THRB: variants seen among roughly 807,000 people sequenced by gnomAD.
THRB encodes the protein nuclear receptor subfamily 1 group A member 2.
THRB carries 12 observed loss-of-function variants against 47.8 expected under a neutral mutation model. That is an observed-to-expected ratio of 0.25 (90% CI 0.16 to 0.41). The LOEUF (loss-of-function observed/expected upper bound fraction) is 0.41. Among genes scored for constraint, THRB ranks in the 10% least tolerant of loss-of-function variants. The pLI is 1.00. For missense variants in THRB, 348 were observed against 589.2 expected (o/e 0.59, Z 4.24); for synonymous variants, 218 against 212.2 (o/e 1.03, Z -0.24).
At chr3:24,476,569 G>C (rs1216002178) in intron 1 of THRB, among the ~76,000 whole-genome samples, 2 of 152,202 alleles carry the variant, frequency 1.3e-5, no homozygotes, top group Non-Finnish European at 2.9e-5. Context: ...TTGCAAGTTT[G>C]TATCATTTAC....
At position 24,207,712 on chromosome 3, in the gene THRB, A is replaced by T. The variant is rs997798694; in HGVS notation, c.23-17378T>A. Among the ~76,000 whole-genome samples the T allele has an allele frequency of 8.7e-4, 132 of 152,346 alleles. 1 individual carries two copies. Among genetic ancestry groups the T allele is most frequent in the African/African-American group, 2.6e-3 (110 of 41,576 alleles). On this transcript the variant is annotated intron_variant, in intron 4 of 10. Coordinates refer to ENST00000646209, the MANE Select transcript of THRB (RefSeq NM_001354712.2). ...CAGAAACAGCTGCACTCTGCCAGCT[A>T]TCTATGACAAACCCACAGCGAATAT...
At chr3:24,468,741 T>C (rs2074338326) in intron 1 of THRB, among the ~76,000 whole-genome samples, 1 of 152,156 alleles carries the variant, frequency 6.6e-6, no homozygotes, top group African/African-American at 2.4e-5. Flanking sequence ...TGGATCACCA[T>C]AACAGATACA....
rs561352313 is a variant in THRB, at chr3:24,165,032, T to C, written c.284-12542A>G. The C allele has an allele frequency of 4.0e-6, 3 of 743,534 alleles. No homozygotes were observed. In the East Asian group the frequency reaches 7.3e-5, roughly 18 times the overall value. The allele number at this position is 743,534 out of a possible 1,614,324, so 46.1% of individuals were successfully genotyped here. ...TTAAGCAAAATGGTCCCTACCTTTT[T>C]TTTGAGAATACGATGGCGACTGCAC... On this transcript the variant is annotated intron_variant, in intron 5 of 10. Coordinates refer to ENST00000646209, the MANE Select transcript of THRB (RefSeq NM_001354712.2).
chr3:24,174,342 C>A (rs1559511930), intron 5 of THRB, among the ~76,000 whole-genome samples: 1 of 152,158 alleles, frequency 6.6e-6, no homozygotes, highest in East Asian at 1.9e-4. Context: ...AGCCTCTAGT[C>A]ACAAAGGGCC....
rs576869889 is a variant in THRB, at chr3:24,374,183, G to C, written c.-260-36812C>G. 5.3e-5 allele frequency among the ~76,000 whole-genome samples: 8 copies of C among 152,202 alleles called. No individual in the cohort carries two copies. The South Asian group carries it at 1.5e-3, about 28-fold the overall frequency. On this transcript the variant is annotated intron_variant, in intron 1 of 10. Transcript: ENST00000646209. ...AAAAGAGACGTACAGGGAATGTACTGAGCCAAGTGGTGTAGATTTAGTTTG... is the reference window on the plus strand; with the variant it reads ...AAAAGAGACGTACAGGGAATGTACTCAGCCAAGTGGTGTAGATTTAGTTTG...
intron 2 of THRB, among the ~76,000 whole-genome samples, chr3:24,329,446 T>A (rs2061781627): frequency 6.6e-6 from 1 of 152,226 alleles, no homozygotes; most frequent in African/African-American, 2.4e-5. Context: ...CATTTTTGGG[T>A]TTCATTGTTC....
At chr3:24,158,279 G>A (rs2038176639) in intron 5 of THRB, among the ~76,000 whole-genome samples, 1 of 152,158 alleles carries the variant, frequency 6.6e-6, no homozygotes, top group Non-Finnish European at 1.5e-5. Flanking sequence ...TCCACAGTCA[G>A]AACCTCTCCT....
intron 1 of THRB, among the ~76,000 whole-genome samples, chr3:24,442,554 G>C (rs991117462): frequency 1.8e-4 from 28 of 152,258 alleles, no homozygotes; most frequent in African/African-American, 6.5e-4. Context: ...GCCAGGCGCA[G>C]TGGCTCACGC....
chr3:24,345,913 T>C (rs1369567129), intron 1 of THRB, among the ~76,000 whole-genome samples: 2 of 151,960 alleles, frequency 1.3e-5, no homozygotes, highest in African/African-American at 4.8e-5. Context: ...CAATTTATTT[T>C]ATGTCAATGA....
At chr3:24,431,261 T>TCTACACACACACACACACACAC (rs767685100) in intron 1 of THRB, among the ~76,000 whole-genome samples, 3 of 135,708 alleles carry the variant, frequency 2.2e-5, no homozygotes, top group African/African-American at 8.1e-5. Context: ...TCTCTCTCTC[T>TCTACACACACACACACACACAC]ACACACACAC....
intron 9 of THRB, among the ~76,000 whole-genome samples, chr3:24,131,276 A>G (rs573601568): frequency 1.3e-4 from 20 of 152,250 alleles, no homozygotes; most frequent in Non-Finnish European, 2.4e-4. Flanking sequence ...TGGTAGTGTT[A>G]CCATAAATCA....
chr3:24,237,605 A>T (rs1199209025), intron 3 of THRB, among the ~76,000 whole-genome samples: 1 of 152,088 alleles, frequency 6.6e-6, no homozygotes, highest in African/African-American at 2.4e-5. Context: ...TGTTACAAAG[A>T]GCATTGGCCT....
chr3:24,442,748 T>C (rs1384855739), intron 1 of THRB, among the ~76,000 whole-genome samples: 2 of 150,276 alleles, frequency 1.3e-5, no homozygotes, highest in African/African-American at 4.9e-5. Context: ...TGCTTGAACC[T>C]GGGAGGCAGA....
Position 24,169,576 on chromosome 3 carries a change from C to T in THRB, c.284-17086G>A, listed in dbSNP as rs1384435887. ...GTAAAACAGATAACGGTAGTCACTTCATTGGTTATTGTGAAGATTAAGTGA... is the reference window on the plus strand; with the variant it reads ...GTAAAACAGATAACGGTAGTCACTTTATTGGTTATTGTGAAGATTAAGTGA... On this transcript the variant is annotated intron_variant, in intron 5 of 10. Transcript: ENST00000646209. Among the ~76,000 whole-genome samples the T allele has an allele frequency of 5.9e-5, 9 of 151,540 alleles. No individual in the cohort carries two copies. The South Asian group carries it at 1.9e-3, about 32-fold the overall frequency.
At position 24,327,264 on chromosome 3, in the gene THRB, C is replaced by G. The variant is rs181557244; in HGVS notation, c.-189+10036G>C. Among the ~76,000 whole-genome samples the G allele has an allele frequency of 3.4e-4, 50 of 147,948 alleles. No homozygotes were observed. In the East Asian group the frequency reaches 8.9e-3, roughly 26 times the overall value. On this transcript the variant is annotated intron_variant, in intron 2 of 10. Transcript: ENST00000646209. ...CCAAGTAAATGCTCAGGGACCCCCC[C>G]CACCGCCACCCTCATTCTCTCACTT...
chr3:24,362,186 A>G (rs982754791), intron 1 of THRB, among the ~76,000 whole-genome samples: 1 of 152,044 alleles, frequency 6.6e-6, no homozygotes, highest in Admixed American at 6.6e-5. Flanking sequence ...AGTGGCTCCC[A>G]TTTTACTGAG....
chr3:24,216,469 G>C (rs551826657), intron 4 of THRB, among the ~76,000 whole-genome samples: 1 of 152,240 alleles, frequency 6.6e-6, no homozygotes, highest in Admixed American at 6.5e-5. Context: ...TTAGCCGGGC[G>C]TGGTGGAGGG....
At chr3:24,211,309 C>T (rs1488002361) in intron 4 of THRB, among the ~76,000 whole-genome samples, 1 of 151,888 alleles carries the variant, frequency 6.6e-6, no homozygotes, top group Non-Finnish European at 1.5e-5. Context: ...ATCATGAATG[C>T]TTTTTTCTTA....
chr3:24,350,499 G>A (rs1383582585), intron 1 of THRB, among the ~76,000 whole-genome samples: 1 of 152,142 alleles, frequency 6.6e-6, no homozygotes, highest in Admixed American at 6.6e-5. Flanking sequence ...TGCAATTCAA[G>A]TCAGAAATGA....
Sources: gnomAD v4.1 joint callset for allele counts (sites outside exome capture counted in the v4.1 genomes callset) on GRCh38, gnomAD v4.1.1 for gene constraint, MANE v1.5 for transcripts, NCBI Gene and HGNC (gene_info 2026-07-23, HGNC 2026-07-21) for gene names.